Variants in PHF11 observed in about 807,000 individuals in gnomAD.
The protein encoded by PHF11 is PHD finger protein 11.
Under a neutral mutation model 40.5 loss-of-function variants are expected in PHF11, and 38 were observed. That is an observed-to-expected ratio of 0.94 (90% confidence interval 0.72 to 1.23). PHF11 has a LOEUF of 1.23. Among genes scored for constraint, PHF11 ranks in the 50% most tolerant of loss-of-function variants. The pLI is 0.00. For missense variants in PHF11, 369 were observed against 392.4 expected (o/e 0.94, Z 0.50); for synonymous variants, 127 against 138.2 (o/e 0.92, Z 0.57).
intron 5 of PHF11, 40 bp downstream of exon 5, chr13:49,520,980 G>T (rs767272283): frequency 6.6e-7 from 1 of 1,523,200 alleles, no homozygotes; most frequent in Non-Finnish European, 9.0e-7. Flanking sequence ...TTTAAAGAAA[G>T]GTAAACATTT....
At chr13:49,526,309 T>C in intron 8 of PHF11, 78 bp from the exon 9 acceptor site, 2 of 879,378 alleles carry the variant, frequency 2.3e-6, no homozygotes, top group Non-Finnish European at 3.8e-6. Flanking sequence ...CTTTCCCCTG[T>C]TTTGGATTAC....
intron 4 of PHF11, 173 bp downstream of exon 4, chr13:49,518,324 CTA>C (rs10569387): frequency 0.66 from 177,388 of 266,750 alleles, 57,413 homozygotes; most frequent in East Asian, 0.84. Context: ...AGTGAAAAAT[CTA>C]TATATATATA....
intron 1 of PHF11, among the ~76,000 whole-genome samples, chr13:49,499,749 A>G (rs1244196182): frequency 6.6e-6 from 1 of 152,258 alleles, no homozygotes; most frequent in East Asian, 1.9e-4. Flanking sequence ...GTAAATTGCA[A>G]TAAACACTAA....
intron 9 of PHF11, 24 bp from the exon 10 acceptor site, chr13:49,528,487 T>A (rs747545588): frequency 6.6e-7 from 1 of 1,520,706 alleles, no homozygotes; most frequent in Non-Finnish European, 9.0e-7. Context: ...TAAGCTGAAA[T>A]AATTTTATTT....
chr13:49,519,839 C>T (rs1232474173), intron 4 of PHF11, among the ~76,000 whole-genome samples: 1 of 152,082 alleles, frequency 6.6e-6, no homozygotes, highest in Non-Finnish European at 1.5e-5. Context: ...ATGAGATTAA[C>T]TTTGTTTGGG....
intron 4 of PHF11, chr13:49,518,356 T>C (rs2032506678): frequency 3.8e-6 from 1 of 260,592 alleles, no homozygotes; most frequent in Non-Finnish European, 7.1e-6. Flanking sequence ...TTAGTCACAA[T>C]ATCTTGAATA....
chr13:49,526,307 T>C (rs533847071), intron 8 of PHF11, 80 bp from the exon 9 acceptor site: 13 of 852,428 alleles, frequency 1.5e-5, no homozygotes, highest in Non-Finnish European at 2.4e-5. Flanking sequence ...TCCTTTCCCC[T>C]GTTTTGGATT....
At chr13:49,497,265 C>T (rs1958829587) in intron 1 of PHF11, 1 of 1,103,222 alleles carries the variant, frequency 9.1e-7, no homozygotes, top group South Asian at 1.3e-5. Context: ...CCTCAAACTC[C>T]AGACTGGTAT....
At chr13:49,514,148 C>A (rs545630628) in intron 3 of PHF11, among the ~76,000 whole-genome samples, 24 of 152,288 alleles carry the variant, frequency 1.6e-4, no homozygotes, top group African/African-American at 5.8e-4. Context: ...CTCAAGGACC[C>A]TTCACATCTT....
intron 4 of PHF11, 100 bp downstream of exon 4, chr13:49,518,251 G>C (rs1332525429): frequency 2.5e-6 from 2 of 795,544 alleles, no homozygotes; most frequent in Non-Finnish European, 3.8e-6. Context: ...TATGTAAATG[G>C]TTTTCAAATG....
chr13:49,514,045 CAG>C (rs1959115802), intron 3 of PHF11, among the ~76,000 whole-genome samples: 1 of 152,174 alleles, frequency 6.6e-6, no homozygotes, highest in African/African-American at 2.4e-5. Flanking sequence ...CATAACTAAT[CAG>C]GGGTCAGCTC....
Position 49,528,588 on chromosome 13 carries a change from A to G in PHF11, c.919A>G (p.Lys307Glu). The G allele has an allele frequency of 6.2e-7, 1 of 1,612,176 alleles. No homozygotes were observed. Among genetic ancestry groups the G allele is most frequent in the South Asian group, 1.1e-5 (1 of 90,998 alleles). The stretch of plus-strand genomic sequence containing the variant: ...AGAGATTGAGCTACTTCAGGACTTA[A>G]AACAAACCTTGTGCTCTTTTCAAGA... Reference protein sequence around the residue: ...KEEIELLQDLKQTLCSFQENR... With the variant: ...KEEIELLQDLEQTLCSFQENR... The change falls in exon 10 of 10, where the codon AAA becomes GAA. Residue 307 changes from lysine to glutamate, a missense_variant. Lys to Glu is a moderately conservative substitution (Grantham distance 56). Coordinates refer to ENST00000378319, the MANE Select transcript of PHF11 (RefSeq NM_001040443.3).
At chr13:49,522,763 T>G (rs552147778) in intron 6 of PHF11, among the ~76,000 whole-genome samples, 2,093 of 49,514 alleles carry the variant, frequency 0.042, 66 homozygotes, top group African/African-American at 0.11. Flanking sequence ...TATGGGGTTT[T>G]TTTGTTTTTT....
At chr13:49,501,846 A>C (rs1337081539) in intron 1 of PHF11, among the ~76,000 whole-genome samples, 1 of 152,012 alleles carries the variant, frequency 6.6e-6, no homozygotes, top group Non-Finnish European at 1.5e-5. Flanking sequence ...GTCCGCCACC[A>C]TGCCCGGCTA....
intron 3 of PHF11, among the ~76,000 whole-genome samples, chr13:49,515,574 A>G (rs1287555952): frequency 6.6e-6 from 1 of 150,990 alleles, no homozygotes; most frequent in Non-Finnish European, 1.5e-5. Flanking sequence ...AAGTCTAAGG[A>G]CTCTCTTTTC....
intron 1 of PHF11, among the ~76,000 whole-genome samples, chr13:49,501,794 G>A (rs939998997): frequency 9.2e-5 from 14 of 151,976 alleles, no homozygotes; most frequent in Admixed American, 4.6e-4. Context: ...AGGTTCAAGT[G>A]ATTCTCTTGC....
At chr13:49,516,156 C>T (rs949067249) in intron 3 of PHF11, among the ~76,000 whole-genome samples, 10 of 152,126 alleles carry the variant, frequency 6.6e-5, no homozygotes, top group Non-Finnish European at 1.0e-4. Flanking sequence ...GAAGTAGGGA[C>T]CCAGTGACAC....
rs987553181 is a variant in PHF11, at chr13:49,496,029, G to T, written c.28G>T (p.Glu10Ter). 2.0e-6 allele frequency: 3 copies of T among 1,477,600 alleles called. No homozygotes were observed. Among genetic ancestry groups the T allele is most frequent in the Non-Finnish European group, 2.7e-6 (3 of 1,121,134 alleles). The allele number at this position is 1,477,600 out of a possible 1,614,324, so 91.5% of individuals were successfully genotyped here. The part of the protein sequence containing the change: MAQASPPRP[E>*]RVLGASSPEA... ...GGCCCAGGCGTCGCCGCCCCGGCCC[G>T]AGAGGGTGCTCGGCGCCAGCAGCCC... Residue 10 changes from glutamate (E) to a stop codon, truncating the protein, a stop_gained, in exon 1 of 10, where the codon GAG (glutamate) becomes TAG (stop). Transcript: ENST00000378319. LOFTEE classifies it high-confidence loss of function.
At chr13:49,521,881 A>T (rs566017862) in intron 5 of PHF11, 162 bp from the exon 6 acceptor site, 5 of 420,446 alleles carry the variant, frequency 1.2e-5, no homozygotes, top group African/African-American at 2.1e-5. Context: ...TATCTTTTTT[A>T]AAAATTAACC....
Sources: gnomAD v4.1 joint callset for allele counts (sites outside exome capture counted in the v4.1 genomes callset) on GRCh38, gnomAD v4.1.1 for gene constraint, MANE v1.5 for transcripts, NCBI Gene and HGNC (gene_info 2026-07-23, HGNC 2026-07-21) for gene names.